FTCDNL1: variants seen among roughly 807,000 people sequenced by gnomAD.
FTCDNL1 encodes the protein formiminotransferase cyclodeaminase N-terminal like.
In FTCDNL1, 11 loss-of-function variants were observed where a neutral mutation model predicts 5.9. The observed-to-expected ratio is 1.87, with a 90% CI of 1.18 to 3.10. The LOEUF (loss-of-function observed/expected upper bound fraction) is 3.10, where lower values mean the gene tolerates loss of function less well. Ranked by LOEUF, FTCDNL1 falls within the 30% of genes most tolerant of loss-of-function variation. FTCDNL1 has a pLI of 0.00. For synonymous variants in FTCDNL1, 58 were observed against 24.8 expected, an observed-to-expected ratio of 2.34 and a Z score of -3.99; for missense variants, 115 against 65.5, an observed-to-expected ratio of 1.76 and a Z score of -2.61.
chr2:199,679,990 G>A, the FTCDNL1 span, among the ~76,000 whole-genome samples: 3 of 152,182 alleles, frequency 2.0e-5, no homozygotes, highest in African/African-American at 7.2e-5. Flanking sequence ...TGGTTTTGTT[G>A]CTCACAGTCA....
chr2:199,838,542 G>A (rs1702916771), intron 3 of FTCDNL1, among the ~76,000 whole-genome samples: 1 of 152,208 alleles, frequency 6.6e-6, no homozygotes, highest in Admixed American at 6.5e-5. Flanking sequence ...AGGGGGATGT[G>A]ATTCGGCAGA....
At chr2:199,793,421 C>T (rs1223158023) in intron 3 of FTCDNL1, among the ~76,000 whole-genome samples, 1 of 151,874 alleles carries the variant, frequency 6.6e-6, no homozygotes, top group South Asian at 2.1e-4. Context: ...ATATGACTAC[C>T]CATCATCAAT....
the FTCDNL1 span, among the ~76,000 whole-genome samples, chr2:199,718,986 A>C: frequency 6.6e-6 from 1 of 151,154 alleles, no homozygotes; most frequent in Admixed American, 6.6e-5. Context: ...TTTTTTTCCC[A>C]TTCTGTAGGT....
chr2:199,835,739 G>A (rs1187690170), intron 3 of FTCDNL1, among the ~76,000 whole-genome samples: 3 of 152,132 alleles, frequency 2.0e-5, no homozygotes, highest in African/African-American at 7.2e-5. Context: ...AAATACCAGG[G>A]CCTAGTATTC....
chr2:199,677,148 T>A, the FTCDNL1 span, among the ~76,000 whole-genome samples: 1 of 152,168 alleles, frequency 6.6e-6, no homozygotes, highest in South Asian at 2.1e-4. Context: ...TGCTTCTATA[T>A]AACATGTATG....
chr2:199,693,573 T>C, the FTCDNL1 span, among the ~76,000 whole-genome samples: 1 of 152,198 alleles, frequency 6.6e-6, no homozygotes, highest in Non-Finnish European at 1.5e-5. Context: ...TCTACACGGA[T>C]AATTATAGGT....
the FTCDNL1 span, among the ~76,000 whole-genome samples, chr2:199,699,283 A>T: frequency 6.6e-6 from 1 of 152,142 alleles, no homozygotes; most frequent in Admixed American, 6.5e-5. Context: ...CCTGGGCAAC[A>T]TGATGAAACT....
chr2:199,756,811 T>C (rs1698088729), downstream of FTCDNL1, among the ~76,000 whole-genome samples: 1 of 152,214 alleles, frequency 6.6e-6, no homozygotes, highest in Admixed American at 6.5e-5. Context: ...GCAGCCCTGT[T>C]CCATGTCCTC....
intron 3 of FTCDNL1, among the ~76,000 whole-genome samples, chr2:199,838,023 G>A (rs932387386): frequency 1.3e-5 from 2 of 152,114 alleles, no homozygotes; most frequent in Non-Finnish European, 2.9e-5. Flanking sequence ...AATCTTCTGC[G>A]CTGACCCCTC....
the FTCDNL1 span, among the ~76,000 whole-genome samples, chr2:199,673,327 C>CAAAAAAAAAAAAA: frequency 1.4e-5 from 1 of 69,792 alleles, no homozygotes; most frequent in African/African-American, 6.0e-5. Context: ...GACTCTGTCT[C>CAAAAAAAAAAAAA]AAAAAAAAAA....
the FTCDNL1 span, among the ~76,000 whole-genome samples, chr2:199,750,963 G>A: frequency 0.018 from 2,778 of 152,236 alleles, 28 homozygotes; most frequent in Non-Finnish European, 0.027. Context: ...TCATAAGAGC[G>A]GGGGCTTTGA....
At chr2:199,794,589 C>A (rs1272695913) in intron 3 of FTCDNL1, among the ~76,000 whole-genome samples, 1 of 152,140 alleles carries the variant, frequency 6.6e-6, no homozygotes, top group Non-Finnish European at 1.5e-5. Context: ...AATAATAATG[C>A]ATTCATGGCC....
At chr2:199,732,884 T>A in the FTCDNL1 span, among the ~76,000 whole-genome samples, 2 of 152,252 alleles carry the variant, frequency 1.3e-5, no homozygotes, top group East Asian at 3.9e-4. Context: ...GAATGTATGT[T>A]CTATTCCATC....
chr2:199,754,050 G>A, the FTCDNL1 span, among the ~76,000 whole-genome samples: 10 of 152,300 alleles, frequency 6.6e-5, no homozygotes, highest in East Asian at 5.8e-4. Context: ...TGACTTGGCC[G>A]GGCTATGATA....
chr2:199,780,318 G>A (rs1275153203), intron 3 of FTCDNL1, among the ~76,000 whole-genome samples: 3 of 152,118 alleles, frequency 2.0e-5, no homozygotes, highest in Non-Finnish European at 2.9e-5. Flanking sequence ...AAATCCTGAG[G>A]AGGGACTCTG....
At chr2:199,709,858 T>C in the FTCDNL1 span, among the ~76,000 whole-genome samples, 2 of 152,144 alleles carry the variant, frequency 1.3e-5, no homozygotes, top group African/African-American at 2.4e-5. Flanking sequence ...TTTATTTCTC[T>C]AGTAAGAGGT....
chr2:199,710,537 T>G, the FTCDNL1 span, among the ~76,000 whole-genome samples: 1 of 152,164 alleles, frequency 6.6e-6, no homozygotes, highest in Non-Finnish European at 1.5e-5. Flanking sequence ...CCAGCGACTT[T>G]ATAGAACATA....
downstream of FTCDNL1, among the ~76,000 whole-genome samples, chr2:199,756,702 T>G (rs1217126223): frequency 6.6e-6 from 1 of 152,226 alleles, no homozygotes; most frequent in African/African-American, 2.4e-5. Context: ...CACAACAGGT[T>G]AGGTTATGCT....
At chr2:199,753,974 G>A in the FTCDNL1 span, among the ~76,000 whole-genome samples, 2 of 152,158 alleles carry the variant, frequency 1.3e-5, no homozygotes, top group African/African-American at 2.4e-5. Flanking sequence ...AATGAATATT[G>A]TGTTTCCTTG....
Sources: gnomAD v4.1 joint callset for allele counts (sites outside exome capture counted in the v4.1 genomes callset) on GRCh38, gnomAD v4.1.1 for gene constraint, MANE v1.5 for transcripts, NCBI Gene and HGNC (gene_info 2026-07-23, HGNC 2026-07-21) for gene names.